Variants in RELCH observed in about 807,000 individuals in gnomAD.
The protein encoded by RELCH is RAB11 binding and LisH domain, coiled-coil and HEAT repeat containing, also known as RAB11-binding protein RELCH.
In RELCH, 41 loss-of-function variants were observed where a neutral mutation model predicts 150.3. The ratio of observed to expected loss-of-function variants is 0.27; its 90% CI spans 0.21 to 0.35. The LOEUF (loss-of-function observed/expected upper bound fraction) is 0.35. Ranked by LOEUF, RELCH falls within the 10% of genes least tolerant of loss-of-function variation. The pLI is 1.00. For synonymous variants in RELCH, 478 were observed against 531.8 expected (o/e 0.90, Z 1.39); for missense variants, 1,092 against 1,467.8 (o/e 0.74, Z 4.18).
At chr18:62,287,565 A>G (rs761559597) in intron 26 of RELCH, 98 bp downstream of exon 26, 20 of 725,010 alleles carry the variant, frequency 2.8e-5, no homozygotes, top group Non-Finnish European at 4.1e-5. Flanking sequence ...CTTTTCTTCA[A>G]CTTACATTAA....
At chr18:62,254,986 C>T (rs1001528888) in intron 12 of RELCH, among the ~76,000 whole-genome samples, 2 of 152,132 alleles carry the variant, frequency 1.3e-5, no homozygotes, top group African/African-American at 4.8e-5. Context: ...TAACTTCCTT[C>T]CTCATCCCTT....
intron 18 of RELCH, 111 bp from the exon 19 acceptor site, chr18:62,266,590 A>G (rs2043575758): frequency 1.6e-6 from 1 of 624,914 alleles, no homozygotes; most frequent in Non-Finnish European, 2.8e-6. Flanking sequence ...TTAGTCATCT[A>G]TAAAGCTAAA....
Position 62,268,903 on chromosome 18 carries a change from T to C in RELCH, c.2715T>C (p.Ala905=), listed in dbSNP as rs768230283. The change falls in exon 20 of 29, where the codon GCT becomes GCC. Residue 905 remains alanine, a synonymous_variant. Transcript: ENST00000644646. ...SSAGNGVLTK[A]TVPIYATGVL... ...CAGGAAATGGGGTCCTCACTAAAGC[T>C]ACAGTCCCCATTTATGCAACAGGAG... 4.9e-5 allele frequency: 76 copies of C among 1,553,436 alleles called. No individual in the cohort carries two copies. In the South Asian group the frequency reaches 7.2e-4, roughly 15 times the overall value.
chr18:62,262,059 T>C (rs2043300438), intron 16 of RELCH, among the ~76,000 whole-genome samples: 1 of 152,112 alleles, frequency 6.6e-6, no homozygotes, highest in African/African-American at 2.4e-5. Flanking sequence ...ACTTTTTAAT[T>C]TTATTTTTAA....
intron 28 of RELCH, chr18:62,299,913 A>G (rs2045590453): frequency 6.6e-6 from 1 of 152,160 alleles, no homozygotes; most frequent in African/African-American, 2.4e-5. Context: ...TAACAATAAC[A>G]ACTTAATATC....
At chr18:62,270,159 C>T (rs901331485) in intron 20 of RELCH, among the ~76,000 whole-genome samples, 3 of 152,170 alleles carry the variant, frequency 2.0e-5, no homozygotes, top group Admixed American at 6.6e-5. Context: ...TCTGAAGCAG[C>T]AGAGCCAGAC....
At chr18:62,295,633 C>T (rs917786245) in intron 27 of RELCH, among the ~76,000 whole-genome samples, 1 of 152,048 alleles carries the variant, frequency 6.6e-6, no homozygotes, top group Non-Finnish European at 1.5e-5. Context: ...TGCTGGAGTA[C>T]AGTGGTGCTA....
chr18:62,211,317 T>C, intron 2 of RELCH, 75 bp downstream of exon 2: 1 of 910,940 alleles, frequency 1.1e-6, no homozygotes, highest in Non-Finnish European at 1.8e-6. Flanking sequence ...GGAATTTTTT[T>C]CCTTCTACAG....
At position 62,275,437 on chromosome 18, in the gene RELCH, A is replaced by T. The variant is rs369812601; in HGVS notation, c.2931A>T (p.Ser977=). 11 of 1,607,416 alleles carry T rather than the reference A, an allele frequency of 6.8e-6. No individual in the cohort carries two copies. In the South Asian group the frequency reaches 8.8e-5, roughly 13 times the overall value. Residue 977 remains serine, a synonymous_variant, in exon 22 of 29, where the codon TCA becomes TCT. Transcript: ENST00000644646. ...TGTGGTATGGTGTTGTCCATACTTC[A>T]GCACTCGTGAGGTGTACTGCTGCTA... ...TVLWYGVVHT[S]ALVRCTAARM...
chr18:62,245,270 A>G (rs1249339564), intron 11 of RELCH, among the ~76,000 whole-genome samples: 2 of 152,244 alleles, frequency 1.3e-5, no homozygotes, highest in Non-Finnish European at 2.9e-5. Context: ...ATCACCTGCT[A>G]TAATTACTGA....
chr18:62,214,281 A>G (rs1313579574), intron 2 of RELCH, among the ~76,000 whole-genome samples: 5 of 151,222 alleles, frequency 3.3e-5, no homozygotes, highest in Admixed American at 6.6e-5. Context: ...TGTGTAGATG[A>G]AACTTTTTTT....
At position 62,232,407 on chromosome 18, in the gene RELCH, G is replaced by A. The variant is rs1229289481; in HGVS notation, c.1600G>A (p.Val534Met). The A allele has an allele frequency of 1.2e-6, 2 of 1,608,818 alleles. No homozygotes were observed. Among genetic ancestry groups the A allele is most frequent in the Non-Finnish European group, 1.7e-6 (2 of 1,175,876 alleles). Residue 534 changes from valine (V) to methionine (M), a missense_variant, in exon 10 of 29, where the codon GTG becomes ATG. Val to Met is a conservative substitution (Grantham distance 21). Transcript: ENST00000644646. ...CTGCCTGCCACACATTGTTCCCAAT[G>A]TGCTATTGGCAAAGAGAGAGGTAAG... ...GRCLPHIVPNVLLAKREELIP... is the reference protein window; with the variant it reads ...GRCLPHIVPNMLLAKREELIP...
chr18:62,242,593 G>A (rs1053449837), intron 10 of RELCH, among the ~76,000 whole-genome samples: 4 of 152,098 alleles, frequency 2.6e-5, no homozygotes, highest in African/African-American at 9.7e-5. Context: ...GGTAAACTAA[G>A]GTAAGAACTC....
chr18:62,298,933 T>C lies in RELCH; in HGVS notation c.3530+73T>C, dbSNP rs2045542173. 5.0e-6 allele frequency: 4 copies of C among 799,376 alleles called. No homozygotes were observed. In the Admixed American group the frequency reaches 7.2e-5, roughly 14 times the overall value. 49.5% of individuals were successfully genotyped at this position (799,376 alleles called of 1,614,324 possible). ...TCTATCTAAATTTGCTGTCAATCAG[T>C]GTAATGTGTCATTTTGTGTTACGTT... On this transcript the variant is annotated intron_variant, in intron 28 of 28. Transcript: ENST00000644646.
Position 62,231,319 on chromosome 18 carries a change from TTTC to T in RELCH, c.1524+56_1524+58del, listed in dbSNP as rs544126452. ...AACTTTTTAAAAACATTCTACTGTT[TTTC>T]TTCTTTTTAAGTTTCTCTTCTACAG... is the stretch of plus-strand genomic sequence containing the variant. On this transcript the variant is annotated intron_variant, in intron 9 of 28. Transcript: ENST00000644646. The T allele has an allele frequency of 5.2e-4, 603 of 1,164,928 alleles. 3 individuals carry two copies. The highest frequency in any genetic ancestry group is 4.0e-3 in the Middle Eastern group (20 of 5,060). 72.2% of individuals were successfully genotyped at this position (1,164,928 alleles called of 1,614,324 possible).
intron 14 of RELCH, 80 bp from the exon 15 acceptor site, chr18:62,258,432 A>T: frequency 2.4e-6 from 3 of 1,245,770 alleles, no homozygotes; most frequent in South Asian, 2.9e-5. Flanking sequence ...ATTTATTGAA[A>T]TTTTTATTAC....
chr18:62,233,290 T>C (rs2041693955), intron 10 of RELCH, among the ~76,000 whole-genome samples: 1 of 151,784 alleles, frequency 6.6e-6, no homozygotes, highest in African/African-American at 2.4e-5. Flanking sequence ...ATGAAGACAA[T>C]TTTAGAGTGT....
intron 22 of RELCH, chr18:62,277,722 C>A: frequency 1.1e-6 from 1 of 935,234 alleles, no homozygotes; most frequent in Non-Finnish European, 1.3e-6. Flanking sequence ...AAAGAGGGAA[C>A]CCAATCAATC....
intron 22 of RELCH, among the ~76,000 whole-genome samples, chr18:62,276,629 T>C (rs1466464463): frequency 1.3e-5 from 2 of 152,118 alleles, no homozygotes; most frequent in Admixed American, 1.3e-4. Flanking sequence ...CTCCACAATT[T>C]AAGATAAATT....
Sources: allele counts gnomAD v4.1 joint callset (sites outside exome capture counted in the v4.1 genomes callset), GRCh38; gene constraint gnomAD v4.1.1; transcripts MANE v1.5; gene names NCBI Gene and HGNC (gene_info 2026-07-23, HGNC 2026-07-21).